The following MYOZ3 variants were observed in gnomAD, a reference collection of about 807,000 sequenced individuals.
The protein encoded by MYOZ3 is myozenin-3.
In MYOZ3, 19 loss-of-function variants were observed where a neutral mutation model predicts 26.5. The ratio of observed to expected loss-of-function variants is 0.72; its 90% CI spans 0.50 to 1.05. The LOEUF is 1.05. Among genes scored for constraint, MYOZ3 ranks in the 50% least tolerant of loss-of-function variants. The probability of loss-of-function intolerance (pLI) is 0.00; values close to 1 mark genes in which losing one functional copy is unlikely to be tolerated. For missense variants in MYOZ3, 322 were observed against 337.1 expected, an observed-to-expected ratio of 0.96 and a Z score of 0.35; for synonymous variants, 135 against 138.8, an observed-to-expected ratio of 0.97 and a Z score of 0.19.
chr5:150,666,033 T>TAAAA (rs61227926), intron 2 of MYOZ3, among the ~76,000 whole-genome samples: 1 of 115,820 alleles, frequency 8.6e-6, no homozygotes, highest in African/African-American at 3.2e-5. Flanking sequence ...GAAACTCGTC[T>TAAAA]AAAAAAAAAA....
intron 3 of MYOZ3, chr5:150,671,327 C>A (rs1222235910): frequency 3.8e-6 from 2 of 521,554 alleles, no homozygotes; most frequent in African/African-American, 3.8e-5. Flanking sequence ...TCATCACCAT[C>A]ATCCTCATTC....
chr5:150,675,818 C>T (rs904109020), intron 6 of MYOZ3, among the ~76,000 whole-genome samples: 1 of 152,186 alleles, frequency 6.6e-6, no homozygotes, highest in Non-Finnish European at 1.5e-5. Context: ...TTTCCTAAGC[C>T]ATATGCTCAG....
rs546765263 is a variant in MYOZ3, at chr5:150,676,372, C to T, written c.588-335C>T. Among the ~76,000 whole-genome samples, 202 of 151,866 alleles carry T rather than the reference C, an allele frequency of 1.3e-3. 1 individual carries two copies. Among genetic ancestry groups the T allele is most frequent in the Middle Eastern group, 6.8e-3 (2 of 294 alleles). ...TAGCCTGGCCAACATGGTGAAACCC[C>T]GTCTCTACTAAAAATACAAAAATTA... On this transcript the variant is annotated intron_variant, in intron 6 of 6. Transcript: ENST00000517768.
Position 150,661,291 on chromosome 5 carries a change from A to C in MYOZ3, c.-138A>C, listed in dbSNP as rs1193560090. 1 of 152,430 alleles carries C rather than the reference A, an allele frequency of 6.6e-6. No individual in the cohort carries two copies. The highest frequency in any genetic ancestry group is 2.4e-5 in the African/African-American group (1 of 41,460). 9.4% of individuals were successfully genotyped at this position (152,430 alleles called of 1,614,324 possible). A position where few individuals can be genotyped will look rare whatever the true frequency, so the allele number is the denominator to read the frequency against. ...CTGAAGCCAGAGCTGGCTGCAGGGGACACCCTGCTCGCTGCCTACTGACTG... is the reference window on the plus strand; with the variant it reads ...CTGAAGCCAGAGCTGGCTGCAGGGGCCACCCTGCTCGCTGCCTACTGACTG... On this transcript the variant is annotated 5_prime_UTR_variant, in exon 1 of 7. Transcript: ENST00000517768.
In MYOZ3 at chr5:150,678,516, T is replaced by C. The variant is rs1051227929; in HGVS notation, c.*1641T>C. On this transcript the variant is annotated 3_prime_UTR_variant, in exon 7 of 7. Coordinates refer to ENST00000517768, the MANE Select transcript of MYOZ3 (RefSeq NM_001122853.3). ...TGTCTCTTTTCAGTGCACTGGGTGGTCAATGCCCACTCGCTCTGAAATCAT... is the reference window on the plus strand; with the variant it reads ...TGTCTCTTTTCAGTGCACTGGGTGGCCAATGCCCACTCGCTCTGAAATCAT... 3 of 152,284 alleles carry C rather than the reference T, an allele frequency of 2.0e-5. No homozygotes were observed. The highest frequency in any genetic ancestry group is 7.2e-5 in the African/African-American group (3 of 41,428). 9.4% of individuals were successfully genotyped at this position (152,284 alleles called of 1,614,324 possible). A position where few individuals can be genotyped will look rare whatever the true frequency, so the allele number is the denominator to read the frequency against.
chr5:150,664,246 T>C (rs1758776287), intron 2 of MYOZ3, among the ~76,000 whole-genome samples: 2 of 152,136 alleles, frequency 1.3e-5, no homozygotes, highest in Admixed American at 1.3e-4. Flanking sequence ...CCTCCTTTTG[T>C]TGATGTCCAG....
chr5:150,669,174 G>C (rs1009285878), intron 2 of MYOZ3: 6 of 151,300 alleles, frequency 4.0e-5, no homozygotes, highest in African/African-American at 1.5e-4. Context: ...GGGAGCGGTG[G>C]CTCACGCCTG....
rs1759064044 is a variant in MYOZ3 at position 150,679,044 on chromosome 5, A to G, written c.*2169A>G. On this transcript the variant is annotated 3_prime_UTR_variant, in exon 7 of 7. Coordinates refer to ENST00000517768, the MANE Select transcript of MYOZ3 (RefSeq NM_001122853.3). ...TCCCCTTCTGGGTCCCAAGGGCCCA[A>G]TGGCCTGACTTTTAGAATTGCTTGC... 6.6e-6 allele frequency: 1 copy of G among 152,386 alleles called. No homozygotes were observed. The highest frequency in any genetic ancestry group is 1.5e-5 in the Non-Finnish European group (1 of 68,056). 9.4% of individuals were successfully genotyped at this position (152,386 alleles called of 1,614,324 possible).
At chr5:150,664,611 G>A (rs1361224683) in intron 2 of MYOZ3, among the ~76,000 whole-genome samples, 3 of 152,128 alleles carry the variant, frequency 2.0e-5, no homozygotes, top group Non-Finnish European at 4.4e-5. Flanking sequence ...TATGCTTTGT[G>A]TCATTTCATC....
At chr5:150,674,148 C>A (rs905072301) in intron 6 of MYOZ3, among the ~76,000 whole-genome samples, 7 of 152,184 alleles carry the variant, frequency 4.6e-5, no homozygotes, top group Non-Finnish European at 8.8e-5. Flanking sequence ...GAGTCACGAG[C>A]CATTAACAGA....
Position 150,676,699 on chromosome 5 carries a change from TTCTC to T in MYOZ3, c.588-7_588-4del, listed in dbSNP as rs1335406278. On this transcript the variant is annotated splice_region_variant and splice_polypyrimidine_tract_variant and intron_variant, in intron 6 of 6. Transcript: ENST00000517768. ...CAGCCCACCTCTCCTGCTGCTCTCT[TTCTC>T]CAGGACCCCGGTGCCATTTGGAGGA... is the stretch of plus-strand genomic sequence containing the variant. 2 of 1,612,854 alleles carry T rather than the reference TTCTC, an allele frequency of 1.2e-6. No homozygotes were observed. The highest frequency in any genetic ancestry group is 2.7e-5 in the African/African-American group (2 of 74,874).
At chr5:150,662,234 AG>A (rs1758744848) in intron 1 of MYOZ3, among the ~76,000 whole-genome samples, 1 of 152,194 alleles carries the variant, frequency 6.6e-6, no homozygotes, top group Admixed American at 6.5e-5. Context: ...GGGCAAGTTA[AG>A]GGCTCTGGAC....
At chr5:150,662,481 G>A (rs547374205) in intron 1 of MYOZ3, among the ~76,000 whole-genome samples, 3 of 152,280 alleles carry the variant, frequency 2.0e-5, no homozygotes, top group African/African-American at 7.2e-5. Flanking sequence ...CAGCCTTGCA[G>A]ACCCCAGTGT....
chr5:150,667,033 A>T (rs1462927672), intron 2 of MYOZ3, among the ~76,000 whole-genome samples: 1 of 152,142 alleles, frequency 6.6e-6, no homozygotes, highest in Non-Finnish European at 1.5e-5. Context: ...TGCTGGGATT[A>T]TGGGTGTGAG....
chr5:150,662,368 T>G (rs1758747671), intron 1 of MYOZ3, among the ~76,000 whole-genome samples: 1 of 152,122 alleles, frequency 6.6e-6, no homozygotes, highest in African/African-American at 2.4e-5. Flanking sequence ...GTTAGCCCAG[T>G]AGCGGGGAGA....
At chr5:150,661,236 C>T (rs1379091640), upstream of MYOZ3, 1 of 152,376 alleles carries the variant, frequency 6.6e-6, no homozygotes, top group African/African-American at 2.4e-5. Context: ...AGGCTGTGAC[C>T]CATGGCAAGG....
chr5:150,676,977 C>A lies in MYOZ3; in HGVS notation c.*102C>A. 8.2e-7 allele frequency: 1 copy of A among 1,226,346 alleles called. No homozygotes were observed. The allele number at this position is 1,226,346 out of a possible 1,614,324, so 76.0% of individuals were successfully genotyped here. On this transcript the variant is annotated 3_prime_UTR_variant, in exon 7 of 7. Transcript: ENST00000517768. Reference sequence around the variant, plus strand: ...ACAGTTGAAGAAGGGCCTTCACACACAAAACCTGATTGCAAATGGCTTCAG... The same window carrying A: ...ACAGTTGAAGAAGGGCCTTCACACAAAAAACCTGATTGCAAATGGCTTCAG...
At chr5:150,676,088 G>C (rs1759001335) in intron 6 of MYOZ3, among the ~76,000 whole-genome samples, 1 of 152,154 alleles carries the variant, frequency 6.6e-6, no homozygotes. Context: ...TCTCTCTCTA[G>C]TTTTGGGCCT....
rs527703663 is a variant in MYOZ3 at position 150,671,933 on chromosome 5, G to A, written c.424+25G>A. ...GGTGAGTGGCCTCCTCGGGTCCCGG[G>A]ACCAGGGCTGGGGGGCCTGAAGCAT... On this transcript the variant is annotated intron_variant, in intron 5 of 6. Transcript: ENST00000517768. 3.3e-6 allele frequency: 5 copies of A among 1,500,196 alleles called. No homozygotes were observed. The South Asian group carries it at 6.5e-5, about 20-fold the overall frequency. The allele number at this position is 1,500,196 out of a possible 1,614,324, so 92.9% of individuals were successfully genotyped here.
Sources: gnomAD v4.1 joint callset for allele counts (sites outside exome capture counted in the v4.1 genomes callset) on GRCh38, gnomAD v4.1.1 for gene constraint, MANE v1.5 for transcripts, NCBI Gene and HGNC (gene_info 2026-07-23, HGNC 2026-07-21) for gene names.